Variants in NKAIN2 observed in about 807,000 individuals in gnomAD.
NKAIN2 encodes sodium/potassium-transporting ATPase subunit beta-1-interacting protein 2.
NKAIN2 carries 14 observed loss-of-function variants against 32.6 expected under a neutral mutation model. The ratio of observed to expected loss-of-function variants is 0.43; its 90% CI spans 0.28 to 0.67. NKAIN2 has a LOEUF of 0.67. NKAIN2 is among the 30% of genes least tolerant of loss of function. NKAIN2 has a pLI of 0.17. For missense variants in NKAIN2, 198 were observed against 258.3 expected (o/e 0.77, Z 1.60); for synonymous variants, 80 against 87.2 (o/e 0.92, Z 0.46).
At chr6:124,261,900 C>T (rs538904972) in intron 1 of NKAIN2, among the ~76,000 whole-genome samples, 1 of 151,954 alleles carries the variant, frequency 6.6e-6, no homozygotes, top group African/African-American at 2.4e-5. Flanking sequence ...ATGGGGACAG[C>T]CTTAATATCC....
At position 124,068,536 on chromosome 6, in the gene NKAIN2, A is replaced by G. The variant is rs78101201; in HGVS notation, c.55-214469A>G. ...CTCTTGAGTAGCTGGGACTACGGGC[A>G]TGGTTCATTTGTACATTTCATTAAC... is the stretch of plus-strand genomic sequence containing the variant. On this transcript the variant is annotated intron_variant, in intron 1 of 6. Transcript: ENST00000368417. Among the ~76,000 whole-genome samples the G allele has an allele frequency of 1.8e-4, 27 of 152,002 alleles. No homozygotes were observed. In the East Asian group the frequency reaches 4.7e-3, roughly 26 times the overall value.
At chr6:124,542,180 T>G (rs1223591556) in intron 3 of NKAIN2, among the ~76,000 whole-genome samples, 1 of 152,148 alleles carries the variant, frequency 6.6e-6, no homozygotes, top group Non-Finnish European at 1.5e-5. Context: ...TTTTTATATC[T>G]GTTTATAATT....
In NKAIN2 at chr6:124,179,643, G is replaced by A. The variant is rs150210168; in HGVS notation, c.55-103362G>A. 1.4e-4 allele frequency among the ~76,000 whole-genome samples: 21 copies of A among 152,318 alleles called. No individual in the cohort carries two copies. In the East Asian group the frequency reaches 2.5e-3, roughly 18 times the overall value. ...TGGGAGAGCAGTAGGCACTCAAGGC[G>A]CATCTGCTCCATTTCACCCATTACC... On this transcript the variant is annotated intron_variant, in intron 1 of 6. Coordinates refer to ENST00000368417, the MANE Select transcript of NKAIN2 (RefSeq NM_001040214.3).
intron 3 of NKAIN2, among the ~76,000 whole-genome samples, chr6:124,597,284 C>T (rs1265823347): frequency 6.6e-6 from 1 of 152,002 alleles, no homozygotes; most frequent in African/African-American, 2.4e-5. Flanking sequence ...CTTTATATAG[C>T]TGTCAATGAC....
chr6:123,879,203 TC>T (rs140143732), intron 1 of NKAIN2, among the ~76,000 whole-genome samples: 3,361 of 152,298 alleles, frequency 0.022, 119 homozygotes, highest in African/African-American at 0.076. Flanking sequence ...AGCTATGCCC[TC>T]AGTTCAAGAT....
intron 4 of NKAIN2, among the ~76,000 whole-genome samples, chr6:124,782,648 A>G (rs149325760): frequency 1.9e-3 from 288 of 152,214 alleles, no homozygotes; most frequent in African/African-American, 6.5e-3. Flanking sequence ...TACCTTTTGT[A>G]TAGTTAATTT....
At chr6:124,304,804 G>A (rs1182756388) in intron 2 of NKAIN2, among the ~76,000 whole-genome samples, 2 of 151,992 alleles carry the variant, frequency 1.3e-5, no homozygotes, top group Non-Finnish European at 2.9e-5. Flanking sequence ...GTCCTGGCTA[G>A]TCAGGAGGCT....
intron 2 of NKAIN2, among the ~76,000 whole-genome samples, chr6:124,304,235 T>A (rs559269142): frequency 6.6e-6 from 1 of 152,304 alleles, no homozygotes; most frequent in South Asian, 2.1e-4. Context: ...TTCCCATCCA[T>A]GCCCATAGTG....
chr6:123,858,296 A>G (rs1435537582), intron 1 of NKAIN2, among the ~76,000 whole-genome samples: 1 of 151,910 alleles, frequency 6.6e-6, no homozygotes, highest in Non-Finnish European at 1.5e-5. Flanking sequence ...TTGTATTTTT[A>G]GTAGAGACAG....
intron 1 of NKAIN2, among the ~76,000 whole-genome samples, chr6:123,854,697 A>C (rs1432799987): frequency 6.6e-6 from 1 of 152,174 alleles, no homozygotes; most frequent in East Asian, 1.9e-4. Context: ...AACTTGTGCA[A>C]GGCCCTTCAT....
intron 3 of NKAIN2, among the ~76,000 whole-genome samples, chr6:124,619,147 A>C (rs1783018379): frequency 6.6e-6 from 1 of 152,188 alleles, no homozygotes; most frequent in Non-Finnish European, 1.5e-5. Flanking sequence ...AATTATTTTC[A>C]ATTTGTTTCA....
chr6:124,292,353 C>T lies in NKAIN2; in HGVS notation c.192+9211C>T, dbSNP rs187687359. Among the ~76,000 whole-genome samples the T allele has an allele frequency of 4.3e-3, 648 of 152,208 alleles. 5 individuals carry two copies. Among genetic ancestry groups the T allele is most frequent in the Middle Eastern group, 0.02 (6 of 294 alleles). On this transcript the variant is annotated intron_variant, in intron 2 of 6. Coordinates refer to ENST00000368417, the MANE Select transcript of NKAIN2 (RefSeq NM_001040214.3). ...AATCAATATCCATCTCTTTGTCTTC[C>T]TCTTCAGGCAATTGGTTGAAATCTC...
chr6:124,106,750 C>T (rs577514309), intron 1 of NKAIN2, among the ~76,000 whole-genome samples: 1 of 152,176 alleles, frequency 6.6e-6, no homozygotes, highest in Non-Finnish European at 1.5e-5. Context: ...TATTTATGCT[C>T]TATCCATTCA....
In NKAIN2 at chr6:123,850,355, A is replaced by AAAT. The variant is rs1262534272; in HGVS notation, c.54+46102_54+46103insATA. On this transcript the variant is annotated intron_variant, in intron 1 of 6. Transcript: ENST00000368417. ...TTGCAAGCTGCTGAAAAAAAAAAAA[A>AAAT]ATATATATATATATATACACACACA... Among the ~76,000 whole-genome samples the AAAT allele has an allele frequency of 4.8e-3, 645 of 133,410 alleles. 10 individuals are homozygous for AAAT. The highest frequency in any genetic ancestry group is 0.017 in the African/African-American group (584 of 34,040). The allele number at this position is 133,410 out of a possible 152,430, so 87.5% of individuals were successfully genotyped here.
At chr6:123,848,733 T>G (rs1562217115) in intron 1 of NKAIN2, among the ~76,000 whole-genome samples, 1 of 152,178 alleles carries the variant, frequency 6.6e-6, no homozygotes, top group Non-Finnish European at 1.5e-5. Flanking sequence ...AGCCAAAGGG[T>G]GTGTGCTTAC....
chr6:123,813,042 ATCCTAACCTACACGGGC>A (rs1408859600), intron 1 of NKAIN2, among the ~76,000 whole-genome samples: 15 of 152,262 alleles, frequency 9.9e-5, no homozygotes, highest in African/African-American at 3.6e-4. Context: ...AATTCATAGT[ATCCTAACCTACACGGGC>A]TTGCAGCCAT....
chr6:124,595,471 C>T (rs576118988), intron 3 of NKAIN2, among the ~76,000 whole-genome samples: 2 of 152,190 alleles, frequency 1.3e-5, no homozygotes, highest in Non-Finnish European at 2.9e-5. Flanking sequence ...ACTTGGTAGC[C>T]AGGCTTCCAA....
At chr6:123,822,117 A>G (rs1483264214) in intron 1 of NKAIN2, among the ~76,000 whole-genome samples, 1 of 151,754 alleles carries the variant, frequency 6.6e-6, no homozygotes, top group East Asian at 1.9e-4. Flanking sequence ...ATTAATTTGA[A>G]CTTTGTTGTC....
At chr6:124,716,777 A>T (rs1775777586) in intron 4 of NKAIN2, among the ~76,000 whole-genome samples, 1 of 148,700 alleles carries the variant, frequency 6.7e-6, no homozygotes, top group Non-Finnish European at 1.5e-5. Context: ...TGCTTATGTC[A>T]TCTAACATAC....
Sources: gnomAD v4.1 joint callset for allele counts (sites outside exome capture counted in the v4.1 genomes callset) on GRCh38, gnomAD v4.1.1 for gene constraint, MANE v1.5 for transcripts, NCBI Gene and HGNC (gene_info 2026-07-23, HGNC 2026-07-21) for gene names.